MYT1L: variants seen among roughly 807,000 people sequenced by gnomAD.
MYT1L encodes the protein myelin transcription factor 1-like protein.
Under a neutral mutation model 126.7 loss-of-function variants are expected in MYT1L, and 12 were observed. The observed-to-expected ratio is 0.09, with a 90% confidence interval of 0.06 to 0.15. MYT1L has a LOEUF of 0.15. Ranked by LOEUF, MYT1L falls within the 10% of genes least tolerant of loss-of-function variation. The pLI is 1.00. For missense variants in MYT1L, 979 were observed against 1,585.2 expected, an observed-to-expected ratio of 0.62 and a Z score of 6.49; for synonymous variants, 541 against 604.2, an observed-to-expected ratio of 0.90 and a Z score of 1.53.
chr2:2,231,284 T>C (rs945644891), intron 2 of MYT1L, among the ~76,000 whole-genome samples: 2 of 152,304 alleles, frequency 1.3e-5, no homozygotes, highest in Middle Eastern at 6.8e-3. Flanking sequence ...CACCCATTCA[T>C]TTTCCGTCTG....
At position 2,158,675 on chromosome 2, in the gene MYT1L, T is replaced by C. The variant is rs573468003; in HGVS notation, c.-304+14197A>G. Among the ~76,000 whole-genome samples, 7 of 147,494 alleles carry C rather than the reference T, an allele frequency of 4.7e-5. No homozygotes were observed. The South Asian group carries it at 1.5e-3, about 32-fold the overall frequency. On this transcript the variant is annotated intron_variant, in intron 3 of 24. Transcript: ENST00000647738. ...CGTAGGTGGACACGGGTGCACACAC[T>C]GCACATACAGATGCACAAACATTCA... is the stretch of plus-strand genomic sequence containing the variant.
At chr2:2,325,556 C>T (rs924188920) in intron 1 of MYT1L, 3 of 152,148 alleles carry the variant, frequency 2.0e-5, no homozygotes, top group Non-Finnish European at 4.4e-5. Flanking sequence ...TAAAAAAGTG[C>T]TGATTTTATA....
At chr2:1,827,390 C>T (rs1482172984) in intron 21 of MYT1L, 1 of 152,158 alleles carries the variant, frequency 6.6e-6, no homozygotes, top group East Asian at 1.9e-4. Flanking sequence ...TGAAACATGC[C>T]TGGGTCAAAC....
At chr2:2,289,264 T>TTCA (rs1276857248) in intron 1 of MYT1L, among the ~76,000 whole-genome samples, 1 of 152,246 alleles carries the variant, frequency 6.6e-6, no homozygotes, top group Non-Finnish European at 1.5e-5. Flanking sequence ...TTTTATTGCA[T>TTCA]GTTGGCCAAA....
At chr2:2,062,934 G>A (rs2070726804) in intron 3 of MYT1L, among the ~76,000 whole-genome samples, 1 of 152,018 alleles carries the variant, frequency 6.6e-6, no homozygotes, top group Admixed American at 6.6e-5. Flanking sequence ...CGTCTTCCCT[G>A]CTTTCTTCAG....
chr2:2,238,015 C>A (rs151248719), intron 2 of MYT1L, among the ~76,000 whole-genome samples: 1 of 152,178 alleles, frequency 6.6e-6, no homozygotes, highest in African/African-American at 2.4e-5. Context: ...GACAGAAAGG[C>A]GCGTTATGAT....
intron 2 of MYT1L, among the ~76,000 whole-genome samples, chr2:2,257,211 C>G (rs2094838637): frequency 2.0e-5 from 3 of 152,096 alleles, no homozygotes; most frequent in African/African-American, 7.2e-5. Flanking sequence ...TAGTAGGACC[C>G]TCTGGATACC....
At chr2:2,234,577 A>G (rs2094238833) in intron 2 of MYT1L, among the ~76,000 whole-genome samples, 1 of 152,202 alleles carries the variant, frequency 6.6e-6, no homozygotes. Flanking sequence ...CAAGTTGGCA[A>G]CGCTGCTTTG....
chr2:1,820,411 T>C (rs2038361850), intron 21 of MYT1L, among the ~76,000 whole-genome samples: 1 of 152,180 alleles, frequency 6.6e-6, no homozygotes, highest in Admixed American at 6.5e-5. Flanking sequence ...AACCTCTGTG[T>C]GGTTGGCTAT....
intron 3 of MYT1L, among the ~76,000 whole-genome samples, chr2:2,109,143 G>A (rs2079084144): frequency 6.6e-6 from 1 of 152,222 alleles, no homozygotes; most frequent in African/African-American, 2.4e-5. Context: ...ATCAGTATGG[G>A]AACACCTTGA....
intron 2 of MYT1L, among the ~76,000 whole-genome samples, chr2:2,252,429 T>C (rs1202661779): frequency 6.6e-6 from 1 of 152,224 alleles, no homozygotes. Flanking sequence ...CAAGCTGTTC[T>C]TCCTATTGAG....
chr2:2,152,595 G>T (rs903903890), intron 3 of MYT1L, among the ~76,000 whole-genome samples: 1 of 152,126 alleles, frequency 6.6e-6, no homozygotes, highest in African/African-American at 2.4e-5. Context: ...TCTGTGCAGA[G>T]GACAGAAAAC....
intron 21 of MYT1L, chr2:1,824,753 G>A (rs1275386159): frequency 1.3e-5 from 2 of 151,692 alleles, no homozygotes; most frequent in East Asian, 1.9e-4. Context: ...AGAGGGGGAG[G>A]ACTCCGCAGT....
chr2:1,841,000 T>G, intron 19 of MYT1L, 157 bp from the exon 20 acceptor site: 41 of 525,920 alleles, frequency 7.8e-5, no homozygotes, highest in Middle Eastern at 5.3e-4. Context: ...GCCTCCCGGG[T>G]TCACGCCATT....
chr2:1,975,248 G>GCCAGATCCCACCGCCAGATCCCACCA (rs1553373541), intron 8 of MYT1L, among the ~76,000 whole-genome samples: 1,596 of 67,926 alleles, frequency 0.023, 38 homozygotes, highest in African/African-American at 0.16. Flanking sequence ...CAAACAGACT[G>GCCAGATCCCACCGCCAGATCCCACCA]CCAGATCCCA....
At chr2:1,960,879 G>A (rs1215615929) in intron 8 of MYT1L, among the ~76,000 whole-genome samples, 6 of 151,844 alleles carry the variant, frequency 4.0e-5, no homozygotes, top group African/African-American at 7.3e-5. Context: ...CAGTGCACCC[G>A]CCTCCCTGGA....
chr2:2,327,096 A>G (rs1457354720), intron 1 of MYT1L: 1 of 152,238 alleles, frequency 6.6e-6, no homozygotes, highest in African/African-American at 2.4e-5. Context: ...ATGCAATAAA[A>G]TACTATAAAA....
intron 9 of MYT1L, among the ~76,000 whole-genome samples, chr2:1,928,698 T>C (rs1014536938): frequency 2.6e-5 from 4 of 152,140 alleles, no homozygotes; most frequent in African/African-American, 7.2e-5. Flanking sequence ...ATACTCTGCA[T>C]TGATTTATGG....
chr2:2,244,144 A>C (rs1243924539), intron 2 of MYT1L, among the ~76,000 whole-genome samples: 1 of 152,222 alleles, frequency 6.6e-6, no homozygotes, highest in Non-Finnish European at 1.5e-5. Context: ...ATTTTTACAT[A>C]TCAAACTACA....
Sources: allele counts gnomAD v4.1 joint callset (sites outside exome capture counted in the v4.1 genomes callset), GRCh38; gene constraint gnomAD v4.1.1; transcripts MANE v1.5; gene names NCBI Gene and HGNC (gene_info 2026-07-23, HGNC 2026-07-21).